The following KAT6B variants were observed in gnomAD, a reference collection of about 807,000 sequenced individuals.
The protein encoded by KAT6B is histone acetyltransferase KAT6B.
A neutral mutation model predicts 187.5 loss-of-function variants in KAT6B; 10 were observed. That is an observed-to-expected ratio of 0.05 (90% CI 0.03 to 0.09). The LOEUF (loss-of-function observed/expected upper bound fraction) is 0.09. Among genes scored for constraint, KAT6B ranks in the 10% least tolerant of loss-of-function variants. KAT6B has a pLI of 1.00. For missense variants in KAT6B, 1,952 were observed against 2,558.9 expected, an observed-to-expected ratio of 0.76 and a Z score of 5.12; for synonymous variants, 861 against 926.8, an observed-to-expected ratio of 0.93 and a Z score of 1.29.
At chr10:74,892,527 A>G (rs559065438) in intron 3 of KAT6B, among the ~76,000 whole-genome samples, 5 of 152,312 alleles carry the variant, frequency 3.3e-5, no homozygotes, top group Middle Eastern at 6.8e-3. Context: ...CCTTTTGTGC[A>G]CATAGCAGCT....
chr10:74,957,393 G>A (rs369252189), intron 3 of KAT6B, among the ~76,000 whole-genome samples: 1 of 152,192 alleles, frequency 6.6e-6, no homozygotes, highest in Non-Finnish European at 1.5e-5. Context: ...TGAATGTAGC[G>A]TGAAGTGATA....
chr10:75,014,879 G>T (rs917673353), intron 13 of KAT6B, among the ~76,000 whole-genome samples: 2 of 152,200 alleles, frequency 1.3e-5, no homozygotes, highest in Non-Finnish European at 2.9e-5. Flanking sequence ...TTGCATCCAA[G>T]GAGCTGAGTG....
chr10:74,999,095 A>G (rs1843648928), intron 13 of KAT6B, among the ~76,000 whole-genome samples: 1 of 152,236 alleles, frequency 6.6e-6, no homozygotes. Flanking sequence ...TTTCTTATTT[A>G]TACTTTTTGC....
intron 3 of KAT6B, among the ~76,000 whole-genome samples, chr10:74,858,467 T>C (rs1269193863): frequency 6.6e-6 from 1 of 151,994 alleles, no homozygotes; most frequent in Non-Finnish European, 1.5e-5. Flanking sequence ...TTGATAGGCA[T>C]GGGTTTTGCC....
intron 3 of KAT6B, among the ~76,000 whole-genome samples, chr10:74,884,040 A>G (rs1418770997): frequency 6.6e-6 from 1 of 152,150 alleles, no homozygotes; most frequent in African/African-American, 2.4e-5. Context: ...TTTCATGGAG[A>G]TGGGAGAGAA....
chr10:74,830,756 ATATATATATATATTTTTTTTTTTTTTTTT>A (rs1369832811), intron 1 of KAT6B, among the ~76,000 whole-genome samples: 1 of 25,970 alleles, frequency 3.9e-5, no homozygotes, highest in African/African-American at 2.5e-4. Context: ...ATATATATAT[ATATATATATATATTTTTTTTTTTTTTTTT>A]TTTTTTTTTT....
At position 75,029,631 on chromosome 10, in the gene KAT6B, G is replaced by A. The variant is rs142688976; in HGVS notation, c.4807G>A (p.Val1603Ile). Residue 1603 changes from valine to isoleucine, a missense_variant, in exon 18 of 18, where the codon GTC (valine) becomes ATC (isoleucine). This residue lies in a region of KAT6B where 758 missense variants were observed against 891.4 expected (regional missense o/e 0.85). Transcript: ENST00000287239. The surrounding 1 kb of genome is among the most constrained non-coding windows in gnomAD (Gnocchi z 6.2). ...GGACCACAGTAGCCCAGTTTCATCC[G>A]TCCACTCCCATCCTGGCCAGTCCGT... ...QSDHSSPVSS[V>I]HSHPGQSVRS... 31 of 1,614,078 alleles carry A rather than the reference G, an allele frequency of 1.9e-5. No individual in the cohort carries two copies. Among genetic ancestry groups the A allele is most frequent in the African/African-American group, 1.7e-4 (13 of 75,006 alleles).
intron 3 of KAT6B, among the ~76,000 whole-genome samples, chr10:74,883,293 C>A (rs1039000316): frequency 2.6e-5 from 4 of 152,144 alleles, no homozygotes; most frequent in African/African-American, 9.7e-5. Flanking sequence ...AATGTACATG[C>A]TCCCAGAGGA....
chr10:74,977,898 A>G (rs115317582), intron 9 of KAT6B, among the ~76,000 whole-genome samples: 1,911 of 152,252 alleles, frequency 0.013, 48 homozygotes, highest in African/African-American at 0.044. Flanking sequence ...TTGTTTCACA[A>G]TCAGTTGTAG....
chr10:74,903,108 G>A (rs1846516321), intron 3 of KAT6B, among the ~76,000 whole-genome samples: 1 of 152,308 alleles, frequency 6.6e-6, no homozygotes. Context: ...CAGTATTGTG[G>A]TATATGAAGG....
At chr10:74,832,058 G>C (rs895604685) in intron 1 of KAT6B, among the ~76,000 whole-genome samples, 1 of 152,222 alleles carries the variant, frequency 6.6e-6, no homozygotes, top group African/African-American at 2.4e-5. Flanking sequence ...TTGTGAAACT[G>C]GATAAAATAC....
intron 17 of KAT6B, among the ~76,000 whole-genome samples, chr10:75,027,737 A>C (rs1845983303): frequency 6.6e-6 from 1 of 152,176 alleles, no homozygotes; most frequent in African/African-American, 2.4e-5. Context: ...AAGTGTCTTT[A>C]ATATGCAAAC....
At chr10:74,901,703 G>C (rs1006850254) in intron 3 of KAT6B, among the ~76,000 whole-genome samples, 9 of 152,228 alleles carry the variant, frequency 5.9e-5, no homozygotes, top group African/African-American at 1.9e-4. Context: ...GACTGGGATT[G>C]TTCTGTTTGT....
At chr10:74,981,343 C>CTTCCTTTCTTTCCTTTCT (rs1554836821) in intron 10 of KAT6B, among the ~76,000 whole-genome samples, 5 of 141,538 alleles carry the variant, frequency 3.5e-5, no homozygotes, top group African/African-American at 1.2e-4. Flanking sequence ...TCCTTCCTTT[C>CTTCCTTTCTTTCCTTTCT]TTCCTTTCTT....
chr10:75,003,504 T>G (rs1843998252), intron 13 of KAT6B, among the ~76,000 whole-genome samples: 1 of 152,224 alleles, frequency 6.6e-6, no homozygotes, highest in African/African-American at 2.4e-5. Context: ...CCCATGACAC[T>G]TGTTGGAAAA....
Position 75,011,614 on chromosome 10 carries a change from C to G in KAT6B, c.2630-8968C>G, listed in dbSNP as rs888448785. ...CATAAATGATACTGACAGAGTATAA[C>G]ATCTCTCATTCCATGATCATTTTAT... On this transcript the variant is annotated intron_variant, in intron 13 of 17. Coordinates refer to ENST00000287239, the MANE Select transcript of KAT6B (RefSeq NM_012330.4). Among the ~76,000 whole-genome samples the G allele has an allele frequency of 3.3e-5, 5 of 152,212 alleles. No individual in the cohort carries two copies. The East Asian group carries it at 9.6e-4, about 29-fold the overall frequency.
chr10:74,883,248 T>C (rs1054041730), intron 3 of KAT6B, among the ~76,000 whole-genome samples: 1 of 152,212 alleles, frequency 6.6e-6, no homozygotes, highest in Non-Finnish European at 1.5e-5. Context: ...ACGGTTCTGC[T>C]TGCCGCTGTC....
intron 2 of KAT6B, 122 bp downstream of exon 2, chr10:74,838,874 G>C (rs1640811205): frequency 6.6e-6 from 1 of 152,168 alleles, no homozygotes; most frequent in Non-Finnish European, 1.5e-5. Flanking sequence ...AGATTTGTGG[G>C]CTGGGTGCAG....
At chr10:74,994,619 CA>C (rs952757609) in intron 13 of KAT6B, among the ~76,000 whole-genome samples, 6 of 142,626 alleles carry the variant, frequency 4.2e-5, no homozygotes, top group Admixed American at 2.1e-4. Context: ...CCTGTCTCTA[CA>C]AAAAAAAAAC....
Sources: gnomAD v4.1 joint callset for allele counts (sites outside exome capture counted in the v4.1 genomes callset) on GRCh38, gnomAD v4.1.1 for gene constraint, gnomAD v4.1.1 regional missense constraint, Gnocchi (gnomAD v3.1) non-coding constraint, MANE v1.5 for transcripts, NCBI Gene and HGNC (gene_info 2026-07-23, HGNC 2026-07-21) for gene names.